KCNT1: variants seen among roughly 807,000 people sequenced by gnomAD.
KCNT1 encodes the protein potassium channel subfamily T member 1.
Under a neutral mutation model 147.8 loss-of-function variants are expected in KCNT1, and 78 were observed. The ratio of observed to expected loss-of-function variants is 0.53; its 90% CI spans 0.44 to 0.64. KCNT1 has a LOEUF of 0.64. Ranked by LOEUF, KCNT1 falls within the 30% of genes least tolerant of loss-of-function variation. The pLI, the probability that KCNT1 is intolerant of heterozygous loss-of-function variation, is 0.00. For synonymous variants in KCNT1, 867 were observed against 748.8 expected (o/e 1.16, Z -2.58); for missense variants, 1,419 against 1,750.3 (o/e 0.81, Z 3.38).
chr9:135,710,011 C>T (rs574169638), intron 1 of KCNT1, among the ~76,000 whole-genome samples: 2 of 152,300 alleles, frequency 1.3e-5, no homozygotes, highest in South Asian at 2.1e-4. Context: ...TTCCTTTCCA[C>T]GGGACCTGTA....
At chr9:135,712,005 C>T (rs565018092) in intron 1 of KCNT1, among the ~76,000 whole-genome samples, 19 of 152,354 alleles carry the variant, frequency 1.2e-4, no homozygotes, top group Non-Finnish European at 2.4e-4. Flanking sequence ...TGAAGTGACT[C>T]GCCGGGGGCC....
At chr9:135,785,954 G>GC (rs1306722100) in intron 28 of KCNT1, 1 of 564,200 alleles carries the variant, frequency 1.8e-6, no homozygotes, top group East Asian at 3.1e-5. Flanking sequence ...CCTTGACCAG[G>GC]CCCGGGCAGG....
At chr9:135,704,833 T>C (rs993227943) in intron 1 of KCNT1, among the ~76,000 whole-genome samples, 8 of 152,080 alleles carry the variant, frequency 5.3e-5, no homozygotes, top group African/African-American at 1.9e-4. Flanking sequence ...TCAGGGCTCA[T>C]GGGAAAGGTT....
intron 2 of KCNT1, among the ~76,000 whole-genome samples, chr9:135,729,517 C>G (rs1464984224): frequency 6.6e-6 from 1 of 152,236 alleles, no homozygotes; most frequent in Non-Finnish European, 1.5e-5. Flanking sequence ...GAAAACCAAG[C>G]TCAGCTGTGC....
At chr9:135,759,990 G>A (rs1489462147) in intron 11 of KCNT1, 131 bp downstream of exon 11, 26 of 844,558 alleles carry the variant, frequency 3.1e-5, no homozygotes, top group Admixed American at 6.5e-5. Flanking sequence ...GAGGCCAGGC[G>A]GGTGGTGCCT....
rs36100410 is a variant in KCNT1 at position 135,773,005 on chromosome 9, G to A, written c.2243+56G>A. ...GGGGGGAGGAGCCGCCCATGAGTGC[G>A]GGGGATGGGTGTCGGAGCATCCTTG... On this transcript the variant is annotated intron_variant, in intron 19 of 30. Transcript: ENST00000371757. 225,121 of 1,257,220 alleles carry A rather than the reference G, an allele frequency of 0.18. 21,122 individuals are homozygous for A. Among genetic ancestry groups the A allele is most frequent in the African/African-American group, 0.27 (17,450 of 64,914 alleles). The allele number at this position is 1,257,220 out of a possible 1,614,324, so 77.9% of individuals were successfully genotyped here. A position where few individuals can be genotyped will look rare whatever the true frequency, so the allele number is the denominator to read the frequency against.
At position 135,768,682 on chromosome 9, in the gene KCNT1, G is replaced by A. The variant is rs1260793909; in HGVS notation, c.1401+9G>A. ...TGGACCGCACGGCTGCAGTGAGTGA[G>A]GCTGAGGCCCTGCCCAGGCGGGAGG... On this transcript the variant is annotated intron_variant, in intron 14 of 30. Transcript: ENST00000371757. 2 of 1,549,874 alleles carry A rather than the reference G, an allele frequency of 1.3e-6. No homozygotes were observed. The highest frequency in any genetic ancestry group is 2.4e-5 in the East Asian group (1 of 40,894).
intron 5 of KCNT1, among the ~76,000 whole-genome samples, chr9:135,754,758 G>A (rs1444902240): frequency 6.6e-6 from 1 of 152,220 alleles, no homozygotes; most frequent in Non-Finnish European, 1.5e-5. Context: ...AGGCTACCCA[G>A]TCTGGGGCCC....
chr9:135,769,083 G>A, intron 15 of KCNT1, 146 bp downstream of exon 15: 1 of 650,222 alleles, frequency 1.5e-6, no homozygotes, highest in South Asian at 1.9e-5. Context: ...GTGGGTGACG[G>A]TGCGTCTGGG....
At chr9:135,719,709 G>A (rs763689883) in intron 2 of KCNT1, among the ~76,000 whole-genome samples, 1 of 152,184 alleles carries the variant, frequency 6.6e-6, no homozygotes, top group Non-Finnish European at 1.5e-5. Context: ...GCAAGAGGAA[G>A]CTTCGTCCCT....
At chr9:135,702,472 G>C in intron 1 of KCNT1, 104 bp downstream of exon 1, 1 of 973,072 alleles carries the variant, frequency 1.0e-6, no homozygotes, top group Non-Finnish European at 1.6e-6. Context: ...GCCATTCCCA[G>C]GGCCATCCAA....
chr9:135,791,401 A>G (rs1393008271), intron 29 of KCNT1: 1 of 255,956 alleles, frequency 3.9e-6, no homozygotes, highest in African/African-American at 2.2e-5. Context: ...GTGCAGGTGT[A>G]GATGAAGGCA....
intron 7 of KCNT1, 36 bp downstream of exon 7, chr9:135,756,968 T>TTGG: frequency 1.2e-6 from 1 of 852,570 alleles, no homozygotes; most frequent in Non-Finnish European, 1.6e-6. Flanking sequence ...TCACAGGGGG[T>TTGG]CCCCACCCTC....
At chr9:135,764,913 C>T in intron 11 of KCNT1, 118 bp from the exon 12 acceptor site, 1 of 1,097,596 alleles carries the variant, frequency 9.1e-7, no homozygotes, top group Non-Finnish European at 1.3e-6. Context: ...GTGTCACCCC[C>T]CGGCCGGCCC....
At chr9:135,788,775 C>T (rs77940967) in intron 29 of KCNT1, among the ~76,000 whole-genome samples, 3,392 of 152,272 alleles carry the variant, frequency 0.022, 46 homozygotes, top group African/African-American at 0.032. Context: ...CGAGCAGAGC[C>T]GCTCCACACC....
chr9:135,714,512 C>CG lies in KCNT1; in HGVS notation c.111-60dup. 1 of 966,110 alleles carries CG rather than the reference C, an allele frequency of 1.0e-6. No homozygotes were observed. Among genetic ancestry groups the CG allele is most frequent in the South Asian group, 4.7e-5 (1 of 21,284 alleles). 59.8% of individuals were successfully genotyped at this position (966,110 alleles called of 1,614,324 possible). A position where few individuals can be genotyped will look rare whatever the true frequency, so the allele number is the denominator to read the frequency against. On this transcript the variant is annotated intron_variant, in intron 1 of 30. Transcript: ENST00000371757. This position sits in a 1 kb window ranked among gnomAD's most constrained non-coding sequence, Gnocchi z 6.2. ...GCTGCGCGGGCCGGGCCTGGCGGGC[C>CG]GGGGGCTGCGCGCGTCCGCGAGGGC...
intron 2 of KCNT1, among the ~76,000 whole-genome samples, chr9:135,739,794 T>TG (rs1328880691): frequency 6.6e-6 from 1 of 152,208 alleles, no homozygotes; most frequent in African/African-American, 2.4e-5. Context: ...CACCCTAGAA[T>TG]GCACCTGTTT....
At chr9:135,787,762 T>G (rs1227951536) in intron 29 of KCNT1, among the ~76,000 whole-genome samples, 5 of 152,192 alleles carry the variant, frequency 3.3e-5, no homozygotes, top group Non-Finnish European at 7.3e-5. Flanking sequence ...ACAGTGTCCC[T>G]GTCCCGGGAG....
intron 2 of KCNT1, 60 bp from the exon 3 acceptor site, chr9:135,750,038 G>T (rs544408039): frequency 2.2e-6 from 3 of 1,394,692 alleles, no homozygotes; most frequent in Non-Finnish European, 3.1e-6. Context: ...GGCTCCCGGC[G>T]TGTCCCCAGC....
Sources: allele counts gnomAD v4.1 joint callset (sites outside exome capture counted in the v4.1 genomes callset), GRCh38; gene constraint gnomAD v4.1.1; non-coding constraint Gnocchi (gnomAD v3.1); transcripts MANE v1.5; gene names NCBI Gene and HGNC (gene_info 2026-07-23, HGNC 2026-07-21).